LRRC40: variants seen among roughly 807,000 people sequenced by gnomAD.
LRRC40 encodes the protein leucine rich repeat containing 40, also known as leucine-rich repeat-containing protein 40.
A neutral mutation model predicts 72.8 loss-of-function variants in LRRC40; 76 were observed. The observed-to-expected ratio is 1.04, with a 90% CI of 0.87 to 1.26. LRRC40 has a LOEUF of 1.26. Ranked by LOEUF, LRRC40 falls within the 50% of genes most tolerant of loss-of-function variation. LRRC40 has a pLI of 0.00. For synonymous variants in LRRC40, 243 were observed against 254.2 expected, an observed-to-expected ratio of 0.96 and a Z score of 0.42; for missense variants, 684 against 698.9, an observed-to-expected ratio of 0.98 and a Z score of 0.24.
intron 14 of LRRC40, among the ~76,000 whole-genome samples, chr1:70,147,461 A>T (rs1465462428): frequency 6.6e-6 from 1 of 152,206 alleles, no homozygotes; most frequent in African/African-American, 2.4e-5. Context: ...TTTCAATGTT[A>T]ATGACACAAC....
intron 4 of LRRC40, among the ~76,000 whole-genome samples, chr1:70,184,358 T>C (rs989595870): frequency 5.9e-5 from 9 of 152,258 alleles, no homozygotes; most frequent in Non-Finnish European, 1.3e-4. Context: ...TGCCAGGAAG[T>C]GTGGCCATTC....
chr1:70,171,749 T>C (rs1432439460), intron 9 of LRRC40, among the ~76,000 whole-genome samples: 1 of 152,134 alleles, frequency 6.6e-6, no homozygotes, highest in Admixed American at 6.5e-5. Flanking sequence ...CTGGTGAGAA[T>C]GTAAATTGGT....
intron 7 of LRRC40, among the ~76,000 whole-genome samples, chr1:70,175,350 G>A (rs1392256800): frequency 2.6e-5 from 4 of 152,080 alleles, no homozygotes; most frequent in Non-Finnish European, 4.4e-5. Context: ...AGAAAACAAA[G>A]AACAAAAATT....
chr1:70,201,933 C>T (rs551984120), intron 1 of LRRC40, among the ~76,000 whole-genome samples: 6 of 152,118 alleles, frequency 3.9e-5, no homozygotes, highest in South Asian at 4.2e-4. Context: ...GCTGAGATCA[C>T]GCCATTGCAC....
intron 9 of LRRC40, among the ~76,000 whole-genome samples, chr1:70,170,495 T>A (rs1342764631): frequency 6.6e-6 from 1 of 152,100 alleles, no homozygotes; most frequent in Non-Finnish European, 1.5e-5. Context: ...TCCAAAGGAA[T>A]ACATCAAAAA....
chr1:70,182,418 T>C (rs955939310), intron 4 of LRRC40, among the ~76,000 whole-genome samples: 5 of 152,052 alleles, frequency 3.3e-5, no homozygotes, highest in Non-Finnish European at 5.9e-5. Flanking sequence ...GTTATATCAA[T>C]ATTAACATTA....
intron 10 of LRRC40, among the ~76,000 whole-genome samples, chr1:70,156,651 C>A (rs1667643785): frequency 6.6e-6 from 1 of 152,074 alleles, no homozygotes; most frequent in African/African-American, 2.4e-5. Flanking sequence ...ATATAGTATA[C>A]ACCATATTTT....
intron 10 of LRRC40, among the ~76,000 whole-genome samples, chr1:70,158,086 C>G: frequency 9.9e-6 from 1 of 101,450 alleles, no homozygotes; most frequent in East Asian, 3.0e-4. Flanking sequence ...GGCAACAGAG[C>G]AAGACCCTGC....
chr1:70,191,435 T>C (rs927188952), intron 1 of LRRC40, among the ~76,000 whole-genome samples: 4 of 152,176 alleles, frequency 2.6e-5, no homozygotes, highest in African/African-American at 7.2e-5. Context: ...CTGTTACCCA[T>C]CAACTATACT....
chr1:70,167,017 T>C (rs546319177), intron 9 of LRRC40, among the ~76,000 whole-genome samples: 4 of 152,178 alleles, frequency 2.6e-5, no homozygotes, highest in Admixed American at 6.5e-5. Context: ...AAGATACATA[T>C]ATGGAGAAGT....
chr1:70,182,144 ATTATT>A (rs1170429502), intron 4 of LRRC40, among the ~76,000 whole-genome samples: 2 of 152,002 alleles, frequency 1.3e-5, no homozygotes, highest in Non-Finnish European at 2.9e-5. Context: ...TACTGTTATA[ATTATT>A]TTATAACAAT....
chr1:70,169,948 C>T (rs970469213), intron 9 of LRRC40, among the ~76,000 whole-genome samples: 104 of 152,058 alleles, frequency 6.8e-4, no homozygotes, highest in African/African-American at 2.4e-3. Flanking sequence ...AGGCTATCAC[C>T]CAAACCAGAA....
At chr1:70,204,579 T>C (rs933261123) in intron 1 of LRRC40, among the ~76,000 whole-genome samples, 8 of 152,172 alleles carry the variant, frequency 5.3e-5, no homozygotes, top group African/African-American at 1.9e-4. Flanking sequence ...TTTGCTTGCC[T>C]AATCTACTTT....
intron 12 of LRRC40, among the ~76,000 whole-genome samples, chr1:70,151,503 G>T (rs1484512334): frequency 6.6e-6 from 1 of 151,966 alleles, no homozygotes; most frequent in Non-Finnish European, 1.5e-5. Context: ...CCTTCAAAGT[G>T]GGGTATTTAA....
At chr1:70,191,124 G>GA (rs901368397) in intron 1 of LRRC40, among the ~76,000 whole-genome samples, 136 of 139,670 alleles carry the variant, frequency 9.7e-4, no homozygotes, top group Middle Eastern at 7.2e-3. Context: ...TGTGACTCTT[G>GA]AAAAAAAAAA....
rs1053468993 is a variant in LRRC40, at chr1:70,150,539, T to G, written c.1517+589A>C. Among the ~76,000 whole-genome samples the G allele has an allele frequency of 2.0e-5, 3 of 152,354 alleles. No individual in the cohort carries two copies. The South Asian group carries it at 6.2e-4, about 32-fold the overall frequency. On this transcript the variant is annotated intron_variant, in intron 13 of 14. Coordinates refer to ENST00000370952, the MANE Select transcript of LRRC40 (RefSeq NM_017768.5). ...CTCTTAATTATCTGCAGTATCTTGA[T>G]AGTGTTTGCAGAACAAAATCTAAGT...
At chr1:70,196,317 T>C (rs193245341) in intron 1 of LRRC40, among the ~76,000 whole-genome samples, 265 of 152,108 alleles carry the variant, frequency 1.7e-3, no homozygotes, top group African/African-American at 6.2e-3. Flanking sequence ...TGGGAGACCA[T>C]AGCAGGAGGA....
chr1:70,152,497 T>G lies in LRRC40; in HGVS notation c.1375A>C (p.Asn459His), dbSNP rs939863304. 1.2e-6 allele frequency: 2 copies of G among 1,609,044 alleles called. No individual in the cohort carries two copies. Among genetic ancestry groups the G allele is most frequent in the Admixed American group, 3.3e-5 (2 of 59,828 alleles). The change falls in exon 12 of 15, where the codon AAT becomes CAT. Residue 459 changes from asparagine to histidine, a missense_variant. Coordinates refer to ENST00000370952, the MANE Select transcript of LRRC40 (RefSeq NM_017768.5). ...TCCAAGGATATAAAGGAAAGTTTAT[T>G]AAAACTGAGATCGACATCAGAAACC... ...EMVSDVDLSF[N>H]KLSFISLELC... is the part of the protein sequence containing the mutation.
intron 1 of LRRC40, among the ~76,000 whole-genome samples, chr1:70,196,144 T>C (rs373194463): frequency 2.6e-5 from 4 of 151,858 alleles, no homozygotes; most frequent in East Asian, 3.8e-4. Flanking sequence ...AGAAAGCTTA[T>C]AGCAATTTTA....
Sources: allele counts gnomAD v4.1 joint callset (sites outside exome capture counted in the v4.1 genomes callset), GRCh38; gene constraint gnomAD v4.1.1; transcripts MANE v1.5; gene names NCBI Gene and HGNC (gene_info 2026-07-23, HGNC 2026-07-21).